The following WNK3 variants were observed in gnomAD, a reference collection of about 807,000 sequenced individuals.
WNK3 encodes serine/threonine-protein kinase WNK3.
WNK3 carries 18 observed loss-of-function variants against 116.7 expected under a neutral mutation model. That is an observed-to-expected ratio of 0.15 (90% CI 0.11 to 0.23). The LOEUF is 0.23. Among genes scored for constraint, WNK3 ranks in the 10% least tolerant of loss-of-function variants. The probability of loss-of-function intolerance (pLI) is 1.00; values close to 1 mark genes in which losing one functional copy is unlikely to be tolerated. For missense variants in WNK3, 993 were observed against 1,323.8 expected (o/e 0.75, Z 3.88); for synonymous variants, 404 against 469.4 (o/e 0.86, Z 1.80).
rs782696727 is a variant in WNK3 at position 54,243,420 on chromosome X, C to CAAA, written c.3652-4324_3652-4322dup. Among the ~76,000 whole-genome samples, 34 of 16,775 alleles carry CAAA rather than the reference C, an allele frequency of 2.0e-3. 1 individual carries two copies. Among genetic ancestry groups the CAAA allele is most frequent in the African/African-American group, 2.8e-3 (16 of 5,630 alleles). 14.6% of individuals were successfully genotyped at this position (16,775 alleles called of 115,157 possible). On this transcript the variant is annotated intron_variant, in intron 17 of 23. Transcript: ENST00000354646. ...TGGGCGAAAGTGCGAGACTCCGTCT[C>CAAA]AAAAAAAAAAAAAAAAAAAAAAAAG...
intron 13 of WNK3, among the ~76,000 whole-genome samples, chrX:54,252,459 C>G (rs2068143576): frequency 9.0e-6 from 1 of 110,875 alleles, no homozygotes; most frequent in African/African-American, 3.3e-5. Context: ...CACCTGAGGT[C>G]AGGAGTTCGA....
intron 10 of WNK3, among the ~76,000 whole-genome samples, chrX:54,267,216 T>C (rs1557157958): frequency 9.0e-6 from 1 of 110,976 alleles, no homozygotes; most frequent in African/African-American, 3.3e-5. Flanking sequence ...CATAGGAAAC[T>C]ATGAAGCCAT....
intron 22 of WNK3, among the ~76,000 whole-genome samples, chrX:54,224,630 C>T (rs1408784481): frequency 2.8e-5 from 3 of 107,896 alleles, no homozygotes; most frequent in African/African-American, 1.0e-4. Context: ...AGTGCAGTGG[C>T]AAGATCTCGG....
chrX:54,217,636 T>C (rs1453387960), intron 22 of WNK3, among the ~76,000 whole-genome samples: 1 of 109,190 alleles, frequency 9.2e-6, no homozygotes, highest in Non-Finnish European at 1.9e-5. Context: ...AAAAAAAAAA[T>C]TGCCATGTGT....
chrX:54,317,628 AT>A lies in WNK3; in HGVS notation c.538-6338del, dbSNP rs1218054644. 3.7e-4 allele frequency among the ~76,000 whole-genome samples: 39 copies of A among 106,282 alleles called. 1 individual carries two copies. Among genetic ancestry groups the A allele is most frequent in the African/African-American group, 1.2e-3 (35 of 29,281 alleles). 92.3% of individuals were successfully genotyped at this position (106,282 alleles called of 115,157 possible). On this transcript the variant is annotated intron_variant, in intron 2 of 23. Transcript: ENST00000354646. ...GGCAGAGTGGGGAATGGGAAGTTAA[AT>A]TTTTTTTTTCTTTTTTTTTTGAGAC...
intron 1 of WNK3, among the ~76,000 whole-genome samples, chrX:54,342,893 G>A (rs2069348206): frequency 9.1e-6 from 1 of 110,034 alleles, no homozygotes; most frequent in African/African-American, 3.3e-5. Context: ...TGTTACCCAG[G>A]ATGGAGTGCA....
intron 22 of WNK3, among the ~76,000 whole-genome samples, chrX:54,215,312 T>C: frequency 9.0e-6 from 1 of 110,850 alleles, no homozygotes; most frequent in Non-Finnish European, 1.9e-5. Flanking sequence ...TGCCTCAGCC[T>C]GCCGAGTGCC....
intron 15 of WNK3, among the ~76,000 whole-genome samples, chrX:54,250,960 G>C (rs150568496): frequency 4.6e-4 from 51 of 111,409 alleles, no homozygotes; most frequent in African/African-American, 1.6e-3. Context: ...AGTTATCAGT[G>C]ACCAGCGCAA....
Position 54,273,362 on chromosome X carries a change from G to A in WNK3, c.2038-14024C>T, listed in dbSNP as rs147164094. Among the ~76,000 whole-genome samples, 521 of 111,637 alleles carry A rather than the reference G, an allele frequency of 4.7e-3. 2 individuals are homozygous for A. The highest frequency in any genetic ancestry group is 0.016 in the African/African-American group (488 of 30,757). The stretch of plus-strand genomic sequence containing the variant: ...AATCCTAGCACTTTGGGAGGCCGAG[G>A]CGGGTAGATCACTACAGGTCAGCAG... On this transcript the variant is annotated intron_variant, in intron 10 of 23. Transcript: ENST00000354646.
intron 8 of WNK3, among the ~76,000 whole-genome samples, chrX:54,293,720 A>G (rs1167524103): frequency 1.8e-5 from 2 of 112,232 alleles, no homozygotes; most frequent in African/African-American, 6.5e-5. Context: ...GGTTATTACT[A>G]TGCAAATACT....
chrX:54,225,781 A>G (rs781844859), intron 22 of WNK3, among the ~76,000 whole-genome samples: 1 of 110,675 alleles, frequency 9.0e-6, no homozygotes, highest in South Asian at 3.8e-4. Context: ...TTTTTTCAGA[A>G]ATTGACAAGC....
intron 2 of WNK3, among the ~76,000 whole-genome samples, chrX:54,321,113 T>G (rs782422008): frequency 7.2e-5 from 8 of 110,664 alleles, no homozygotes; most frequent in Non-Finnish European, 1.1e-4. Flanking sequence ...GCCAGGCTGA[T>G]CTCGAATGTC....
intron 10 of WNK3, among the ~76,000 whole-genome samples, chrX:54,289,642 T>C (rs920825996): frequency 9.0e-6 from 1 of 111,117 alleles, no homozygotes; most frequent in Admixed American, 9.7e-5. Context: ...CTTTGTGGCA[T>C]TGAAGAATCT....
In WNK3 at chrX:54,224,312, A is replaced by G. The variant is rs781802916; in HGVS notation, c.4870+4402T>C. ...GGTTGCAGTGAGCTGATATCACGTCATTGCACTCCAGCCTGGGCAACAAGA... is the reference window on the plus strand; with the variant it reads ...GGTTGCAGTGAGCTGATATCACGTCGTTGCACTCCAGCCTGGGCAACAAGA... On this transcript the variant is annotated intron_variant, in intron 22 of 23. Coordinates refer to ENST00000354646, the Ensembl canonical transcript of WNK3. Among the ~76,000 whole-genome samples, 6 of 106,259 alleles carry G rather than the reference A, an allele frequency of 5.6e-5. No homozygotes were observed. The South Asian group carries it at 2.7e-3, about 48-fold the overall frequency. The allele number at this position is 106,259 out of a possible 115,157, so 92.3% of individuals were successfully genotyped here. A position where few individuals can be genotyped will look rare whatever the true frequency, so the allele number is the denominator to read the frequency against.
At chrX:54,198,808 AGGG>A (rs2067474257) in intron 23 of WNK3, among the ~76,000 whole-genome samples, 155 bp from the exon 24 acceptor site, 1 of 110,604 alleles carries the variant, frequency 9.0e-6, no homozygotes, top group Non-Finnish European at 1.9e-5. Flanking sequence ...TGTTACTATT[AGGG>A]ACTACCATTT....
At chrX:54,310,736 C>CT (rs1322347650) in intron 3 of WNK3, among the ~76,000 whole-genome samples, 41 of 103,382 alleles carry the variant, frequency 4.0e-4, no homozygotes, top group African/African-American at 7.7e-4. Flanking sequence ...TCTACAAATT[C>CT]TTTTTTTTTT....
Position 54,226,094 on chromosome X carries a change from CCAAAAAAAA to C in WNK3, c.4870+2611_4870+2619del, listed in dbSNP as rs1407269730. Among the ~76,000 whole-genome samples, 13 of 11,997 alleles carry C rather than the reference CCAAAAAAAA, an allele frequency of 1.1e-3. 1 individual carries two copies. The highest frequency in any genetic ancestry group is 6.5e-3 in the Admixed American group (3 of 463). The allele number at this position is 11,997 out of a possible 115,157, so 10.4% of individuals were successfully genotyped here. ...CTAGGACAAGGAGATATCCACATACCCAAAAAAAAAAAAAAAAAAAAAAAAAAGAATCTG... is the reference window on the plus strand; with the variant it reads ...CTAGGACAAGGAGATATCCACATACCAAAAAAAAAAAAAAAAAAGAATCTG... On this transcript the variant is annotated intron_variant, in intron 22 of 23. Coordinates refer to ENST00000354646, the Ensembl canonical transcript of WNK3.
rs2068675603 is a variant in WNK3 at position 54,294,570 on chromosome X, T to C, written c.1676A>G (p.His559Arg). ...TGTGTTACCTGTAACAGAGGAGCAG[T>C]GCTGCTGTGGTTTTCTTTGTAGAAG... The change falls in exon 8 of 24, where the codon CAC becomes CGC. Residue 559 changes from histidine (H) to arginine (R), a missense_variant. Physicochemically the swap from His to Arg is conservative, Grantham distance 29. Around this residue, in one of 4 missense-constraint regions of WNK3, gnomAD observed 836 missense variants for 976.5 expected, o/e 0.86. Coordinates refer to ENST00000354646, the Ensembl canonical transcript of WNK3. The C allele has an allele frequency of 8.4e-7, 1 of 1,189,236 alleles. No individual in the cohort carries two copies. Among genetic ancestry groups the C allele is most frequent in the African/African-American group, 1.7e-5 (1 of 57,501 alleles).
Position 54,237,629 on chromosome X carries a change from C to T in WNK3, c.4015-78G>A, listed in dbSNP as rs1382683945. 7 of 994,416 alleles carry T rather than the reference C, an allele frequency of 7.0e-6. No individual in the cohort carries two copies. In the South Asian group the frequency reaches 1.2e-4, roughly 17 times the overall value. The allele number at this position is 994,416 out of a possible 1,213,427, so 82.0% of individuals were successfully genotyped here. A position where few individuals can be genotyped will look rare whatever the true frequency, so the allele number is the denominator to read the frequency against. ...CTGCTGTGATGTATATGTATTGATA[C>T]TAGCAAAACTTAAAAATTTAATCTA... On this transcript the variant is annotated intron_variant, in intron 19 of 23. Transcript: ENST00000354646.
Sources: gnomAD v4.1 joint callset for allele counts (sites outside exome capture counted in the v4.1 genomes callset) on GRCh38, gnomAD v4.1.1 for gene constraint, gnomAD v4.1.1 regional missense constraint, MANE v1.5 for transcripts, NCBI Gene and HGNC (gene_info 2026-07-23, HGNC 2026-07-21) for gene names.